Variants in SNX29 observed in about 807,000 individuals in gnomAD.
SNX29 encodes sorting nexin 29, also known as sorting nexin-29.
In SNX29, 78 loss-of-function variants were observed where a neutral mutation model predicts 102.1. That is an observed-to-expected ratio of 0.76 (90% CI 0.64 to 0.92). The LOEUF (loss-of-function observed/expected upper bound fraction) is 0.92, where lower values mean the gene tolerates loss of function less well. Ranked by LOEUF, SNX29 falls within the 40% of genes least tolerant of loss-of-function variation. SNX29 has a pLI of 0.00. For missense variants in SNX29, 1,280 were observed against 1,061.7 expected (o/e 1.21, Z -2.86); for synonymous variants, 580 against 414.5 (o/e 1.40, Z -4.85).
intron 10 of SNX29, among the ~76,000 whole-genome samples, chr16:12,076,141 T>G (rs373216191): frequency 3.7e-4 from 56 of 152,300 alleles, no homozygotes; most frequent in African/African-American, 1.3e-3. Context: ...TGCCTCACCC[T>G]GCTTTGGCTG....
chr16:12,100,341 C>T (rs1208270965), intron 11 of SNX29, among the ~76,000 whole-genome samples: 2 of 152,170 alleles, frequency 1.3e-5, no homozygotes, highest in African/African-American at 2.4e-5. Flanking sequence ...GGTAGCACCA[C>T]CACCAGTTGT....
chr16:12,429,712 T>A (rs73517993), intron 18 of SNX29, among the ~76,000 whole-genome samples: 7,946 of 152,306 alleles, frequency 0.052, 469 homozygotes, highest in African/African-American at 0.14. Context: ...AACATTTAAG[T>A]TTTTTTCTAA....
At chr16:12,138,918 G>A (rs2054762105) in intron 13 of SNX29, among the ~76,000 whole-genome samples, 1 of 152,016 alleles carries the variant, frequency 6.6e-6, no homozygotes, top group Non-Finnish European at 1.5e-5. Context: ...AGAAGGCTTT[G>A]TTGGTCAGGC....
At chr16:12,566,433 C>T (rs112407046) in intron 20 of SNX29, among the ~76,000 whole-genome samples, 2 of 142,000 alleles carry the variant, frequency 1.4e-5, no homozygotes, top group Non-Finnish European at 3.1e-5. Context: ...GCCTCTCCCC[C>T]CAAGCTCTGG....
chr16:12,476,664 C>G (rs1241689850), intron 18 of SNX29, among the ~76,000 whole-genome samples: 2 of 151,610 alleles, frequency 1.3e-5, no homozygotes, highest in Non-Finnish European at 2.9e-5. Flanking sequence ...GTTTCTCCAT[C>G]TCACTCCATC....
chr16:12,185,015 A>G (rs143874046), intron 13 of SNX29, among the ~76,000 whole-genome samples: 1 of 152,260 alleles, frequency 6.6e-6, no homozygotes, highest in African/African-American at 2.4e-5. Flanking sequence ...ATGCTGAACC[A>G]TCAGCTGTCA....
intron 15 of SNX29, among the ~76,000 whole-genome samples, chr16:12,302,410 A>C (rs939268326): frequency 1.6e-4 from 24 of 152,254 alleles, no homozygotes; most frequent in African/African-American, 5.8e-4. Context: ...TTTTAACAAA[A>C]TACCATAAAC....
chr16:12,098,119 G>A lies in SNX29; in HGVS notation c.1402+19204G>A, dbSNP rs926422976. Reference sequence around the variant, plus strand: ...GCTGGGCCCAGAGGACGCTCAGTACGTGGCCGGGGTGCTTACGTTTTGGTT... The same window carrying A: ...GCTGGGCCCAGAGGACGCTCAGTACATGGCCGGGGTGCTTACGTTTTGGTT... On this transcript the variant is annotated intron_variant, in intron 11 of 20. Coordinates refer to ENST00000566228, the MANE Select transcript of SNX29 (RefSeq NM_032167.5). This position sits in a 1 kb window ranked among gnomAD's most constrained non-coding sequence, Gnocchi z 6.0. Among the ~76,000 whole-genome samples the A allele has an allele frequency of 3.9e-5, 6 of 152,298 alleles. No homozygotes were observed. The highest frequency in any genetic ancestry group is 5.9e-5 in the Non-Finnish European group (4 of 68,016).
At chr16:12,037,731 C>A (rs191521249) in intron 4 of SNX29, among the ~76,000 whole-genome samples, 1 of 151,474 alleles carries the variant, frequency 6.6e-6, no homozygotes, top group Non-Finnish European at 1.5e-5. Context: ...GCTGGATGAT[C>A]ATTTGATTCT....
rs979886988 is a variant in SNX29 at position 12,572,740 on chromosome 16, G to C, written c.*4111G>C. The C allele has an allele frequency of 9.4e-7, 1 of 1,063,854 alleles. No individual in the cohort carries two copies. Among genetic ancestry groups the C allele is most frequent in the African/African-American group, 1.6e-5 (1 of 60,992 alleles). The allele number at this position is 1,063,854 out of a possible 1,614,324, so 65.9% of individuals were successfully genotyped here. ...GCACAGAACTGATGGCAAAGGAAGGGCTGGGTTTTCAGCTTCTGGGACCCG... is the reference window on the plus strand; with the variant it reads ...GCACAGAACTGATGGCAAAGGAAGGCCTGGGTTTTCAGCTTCTGGGACCCG... On this transcript the variant is annotated 3_prime_UTR_variant, in exon 21 of 21. Coordinates refer to ENST00000566228, the MANE Select transcript of SNX29 (RefSeq NM_032167.5).
intron 18 of SNX29, among the ~76,000 whole-genome samples, chr16:12,403,816 T>C (rs533467699): frequency 6.6e-6 from 1 of 152,290 alleles, no homozygotes; most frequent in South Asian, 2.1e-4. Context: ...TGTTTGCTTG[T>C]TTTGCATCTG....
chr16:12,108,739 G>A (rs2053372782), intron 11 of SNX29, among the ~76,000 whole-genome samples: 1 of 152,174 alleles, frequency 6.6e-6, no homozygotes, highest in South Asian at 2.1e-4. Context: ...AACCCAGCCT[G>A]AGCCCTGAAG....
intron 3 of SNX29, among the ~76,000 whole-genome samples, chr16:12,013,516 T>A (rs1412663102): frequency 0.019 from 1,605 of 84,454 alleles, 151 homozygotes; most frequent in African/African-American, 0.042. Flanking sequence ...TATATATATA[T>A]ATATATATAT....
At chr16:12,191,175 G>A (rs1038121379) in intron 13 of SNX29, among the ~76,000 whole-genome samples, 3 of 152,278 alleles carry the variant, frequency 2.0e-5, no homozygotes, top group Middle Eastern at 6.8e-3. Flanking sequence ...TAGGGTTCGT[G>A]CTCCTATGAG....
In SNX29 at chr16:12,570,623, G is replaced by A. The variant is rs898102723; in HGVS notation, c.*1994G>A. ...GAGGTCATCTCCCTGTTCTCTGTTG[G>A]ATAAAGGAACCTCCCCCATCTGTGA... On this transcript the variant is annotated 3_prime_UTR_variant, in exon 21 of 21. Transcript: ENST00000566228. 53 of 232,066 alleles carry A rather than the reference G, an allele frequency of 2.3e-4. No individual in the cohort carries two copies. Among genetic ancestry groups the A allele is most frequent in the African/African-American group, 1.1e-3 (49 of 45,258 alleles). The allele number at this position is 232,066 out of a possible 1,614,324, so 14.4% of individuals were successfully genotyped here.
rs1312895625 is a variant in SNX29, at chr16:12,027,460, G to A, written c.247+16G>A. On this transcript the variant is annotated intron_variant, in intron 4 of 20. Coordinates refer to ENST00000566228, the MANE Select transcript of SNX29 (RefSeq NM_032167.5). ...ACCGAAACAGGTACTGCTCTGCCTG[G>A]CTGTAGCTTGGAGGAGCTTGTCTTC... The A allele has an allele frequency of 6.2e-7, 1 of 1,612,844 alleles. No homozygotes were observed. The highest frequency in any genetic ancestry group is 8.5e-7 in the Non-Finnish European group (1 of 1,179,518).
In SNX29 at chr16:12,378,506, G is replaced by A. The variant is rs59809658; in HGVS notation, c.1900-19940G>A. 1.3e-3 allele frequency among the ~76,000 whole-genome samples: 195 copies of A among 152,252 alleles called. 5 individuals carry two copies. In the East Asian group the frequency reaches 0.033, roughly 26 times the overall value. On this transcript the variant is annotated intron_variant, in intron 16 of 20. Transcript: ENST00000566228. ...TCTACTAAAAATACAAAAATTAGCC[G>A]GGTGTGGTGATGTGTGCCTGTAGTC...
At chr16:12,058,329 C>A (rs144490839) in intron 8 of SNX29, among the ~76,000 whole-genome samples, 1 of 151,846 alleles carries the variant, frequency 6.6e-6, no homozygotes, top group East Asian at 1.9e-4. Context: ...TTTCAAATAA[C>A]GTGTGTTAAT....
At chr16:11,991,232 A>G (rs2055835823) in intron 1 of SNX29, among the ~76,000 whole-genome samples, 1 of 152,202 alleles carries the variant, frequency 6.6e-6, no homozygotes, top group Non-Finnish European at 1.5e-5. Flanking sequence ...ATCCTGTAAT[A>G]CTAGTAAGTC....
Sources: allele counts gnomAD v4.1 joint callset (sites outside exome capture counted in the v4.1 genomes callset), GRCh38; gene constraint gnomAD v4.1.1; non-coding constraint Gnocchi (gnomAD v3.1); transcripts MANE v1.5; gene names NCBI Gene and HGNC (gene_info 2026-07-23, HGNC 2026-07-21).